Variants in ATRX observed in about 807,000 individuals in gnomAD.
ATRX encodes ATRX chromatin remodeler.
In ATRX, 12 loss-of-function variants were observed where a neutral mutation model predicts 172.6. The observed-to-expected ratio is 0.07, with a 90% CI of 0.04 to 0.11. ATRX has a LOEUF of 0.11. ATRX is among the 10% of genes least tolerant of loss of function. The probability of loss-of-function intolerance (pLI) is 1.00; values close to 1 mark genes in which losing one functional copy is unlikely to be tolerated. For synonymous variants in ATRX, 674 were observed against 594.7 expected, an observed-to-expected ratio of 1.13 and a Z score of -1.94; for missense variants, 1,368 against 1,767.4, an observed-to-expected ratio of 0.77 and a Z score of 4.05.
chrX:77,647,032 T>C (rs2068955323), intron 15 of ATRX, among the ~76,000 whole-genome samples: 1 of 108,733 alleles, frequency 9.2e-6, no homozygotes, highest in Non-Finnish European at 1.9e-5. Context: ...ACAGACCATA[T>C]AATCAGGCAC....
rs1262133608 is a variant in ATRX at position 77,682,037 on chromosome X, A to T, written c.3219T>A (p.Ser1073Arg). The change falls in exon 9 of 35, where the codon AGT becomes AGA. Residue 1073 changes from serine to arginine, a missense_variant. Ser to Arg is a moderately radical substitution (Grantham distance 110, BLOSUM62 -1). Coordinates refer to ENST00000373344, the MANE Select transcript of ATRX (RefSeq NM_000489.6). The part of the protein sequence containing the change: ...YAEKSTGKGD[S>R]CDSSEDKKSK... The stretch of plus-strand genomic sequence containing the variant: ...TCTTTTTATCCTCTGAAGAGTCACA[A>T]CTATCTCCTTTCCCTGTTGACTTCT... 8.3e-7 allele frequency: 1 copy of T among 1,208,915 alleles called. No individual in the cohort carries two copies. Among genetic ancestry groups the T allele is most frequent in the African/African-American group, 1.8e-5 (1 of 57,007 alleles).
intron 1 of ATRX, among the ~76,000 whole-genome samples, chrX:77,771,310 A>G (rs1490285081): frequency 9.4e-6 from 1 of 105,979 alleles, no homozygotes; most frequent in African/African-American, 3.5e-5. Context: ...CAGAAGGCGG[A>G]GGTTGCAGTG....
intron 9 of ATRX, among the ~76,000 whole-genome samples, chrX:77,679,964 T>C (rs2071095967): frequency 8.9e-6 from 1 of 111,830 alleles, no homozygotes; most frequent in Non-Finnish European, 1.9e-5. Context: ...CACAATCCCT[T>C]ATATATAATT....
intron 1 of ATRX, among the ~76,000 whole-genome samples, chrX:77,723,747 A>T (rs1457780166): frequency 1.8e-5 from 2 of 111,756 alleles, no homozygotes; most frequent in Non-Finnish European, 3.8e-5. Flanking sequence ...AAGAGGAATA[A>T]ATAATGTCAT....
intron 10 of ATRX, among the ~76,000 whole-genome samples, chrX:77,671,167 A>ATATATATATAT (rs1557129938): frequency 6.4e-5 from 1 of 15,733 alleles, no homozygotes; most frequent in African/African-American, 2.1e-4. Flanking sequence ...AAAAAAAAAA[A>ATATATATATAT]ATATATATAT....
rs1191855612 is a variant in ATRX at position 77,536,128 on chromosome X, T to A, written c.6700-12727A>T. Among the ~76,000 whole-genome samples the A allele has an allele frequency of 1.8e-5, 2 of 110,499 alleles. 1 individual carries two copies. The highest frequency in any genetic ancestry group is 3.8e-5 in the Non-Finnish European group (2 of 52,889). Reference sequence around the variant, plus strand: ...GTCATAGGTGTGATTATGTACTACATAGCCTCGAACCCCTGAGCTCAAACA... The same window carrying A: ...GTCATAGGTGTGATTATGTACTACAAAGCCTCGAACCCCTGAGCTCAAACA... On this transcript the variant is annotated intron_variant, in intron 30 of 34. Coordinates refer to ENST00000373344, the MANE Select transcript of ATRX (RefSeq NM_000489.6).
At position 77,750,352 on chromosome X, in the gene ATRX, C is replaced by T. The variant is rs781846734; in HGVS notation, c.21-33109G>A. On this transcript the variant is annotated intron_variant, in intron 1 of 34. Coordinates refer to ENST00000373344, the MANE Select transcript of ATRX (RefSeq NM_000489.6). ...GGTAGTATTAAATTTATTACACAAA[C>T]GATGAAATCATCATGCCCGGGGCAA... Among the ~76,000 whole-genome samples the T allele has an allele frequency of 4.9e-4, 55 of 111,132 alleles. 1 individual carries two copies. Among genetic ancestry groups the T allele is most frequent in the Admixed American group, 4.9e-3 (51 of 10,384 alleles).
intron 1 of ATRX, among the ~76,000 whole-genome samples, chrX:77,750,696 C>G (rs1314498452): frequency 1.9e-5 from 2 of 107,987 alleles, no homozygotes; most frequent in African/African-American, 3.4e-5. Context: ...CAACCCCTGA[C>G]AGGCCCCAAT....
rs187627344 is a variant in ATRX, at chrX:77,541,334, C to A, written c.6699+16117G>T. 1.5e-4 allele frequency among the ~76,000 whole-genome samples: 17 copies of A among 111,993 alleles called. No individual in the cohort carries two copies. In the East Asian group the frequency reaches 4.5e-3, roughly 30 times the overall value. The stretch of plus-strand genomic sequence containing the variant: ...AACTGAGGCAGTAATTAATAGCCCA[C>A]AAACAAAAGGAAGTCCAGGACCAGA... On this transcript the variant is annotated intron_variant, in intron 30 of 34. Transcript: ENST00000373344.
chrX:77,658,657 A>G (rs1174779243), intron 12 of ATRX, among the ~76,000 whole-genome samples: 2 of 112,294 alleles, frequency 1.8e-5, no homozygotes, highest in East Asian at 2.8e-4. Flanking sequence ...GCCATTGTAC[A>G]TATGTGAAAA....
chrX:77,677,592 T>C (rs2070951407), intron 9 of ATRX, among the ~76,000 whole-genome samples: 1 of 111,185 alleles, frequency 9.0e-6, no homozygotes, highest in Non-Finnish European at 1.9e-5. Context: ...TTTTCTGGTT[T>C]TGACACTGTA....
intron 12 of ATRX, among the ~76,000 whole-genome samples, chrX:77,660,063 C>A (rs1217104568): frequency 2.7e-5 from 3 of 111,686 alleles, no homozygotes; most frequent in Non-Finnish European, 5.6e-5. Context: ...AAACACAGAT[C>A]ACAGAAAACT....
intron 1 of ATRX, among the ~76,000 whole-genome samples, chrX:77,735,664 T>C (rs2074521690): frequency 1.1e-5 from 1 of 92,242 alleles, no homozygotes; most frequent in South Asian, 5.6e-4. Context: ...CAGACGGGCA[T>C]GGTGGTGGGC....
At position 77,539,959 on chromosome X, in the gene ATRX, C is replaced by T. The variant is rs1271349122; in HGVS notation, c.6700-16558G>A. Among the ~76,000 whole-genome samples the T allele has an allele frequency of 3.6e-5, 4 of 111,688 alleles. No individual in the cohort carries two copies. In the Admixed American group the frequency reaches 3.8e-4, roughly 11 times the overall value. ...TCATAATGACAGGATCAAATTCAAA[C>T]ATAACAATATTAACCTTAAATGTAA... On this transcript the variant is annotated intron_variant, in intron 30 of 34. Transcript: ENST00000373344.
At chrX:77,564,660 C>G (rs1557063652) in intron 28 of ATRX, among the ~76,000 whole-genome samples, 1 of 110,633 alleles carries the variant, frequency 9.0e-6, no homozygotes, top group East Asian at 2.8e-4. Flanking sequence ...GCTGGGATTA[C>G]AGGTGTGAGC....
At chrX:77,606,135 A>G (rs1195228665) in intron 22 of ATRX, among the ~76,000 whole-genome samples, 1 of 110,068 alleles carries the variant, frequency 9.1e-6, no homozygotes, top group Non-Finnish European at 1.9e-5. Flanking sequence ...AAACCTAGAG[A>G]CCCCAATTTA....
At chrX:77,596,901 G>C (rs2066485898) in intron 25 of ATRX, 1 of 110,489 alleles carries the variant, frequency 9.1e-6, no homozygotes, top group African/African-American at 3.3e-5. Context: ...CACACTGACT[G>C]GTCTACTCTT....
chrX:77,697,863 T>A (rs1557150913), intron 3 of ATRX, among the ~76,000 whole-genome samples: 1 of 112,005 alleles, frequency 8.9e-6, no homozygotes. Flanking sequence ...CCAGGTTTCC[T>A]TGGCTGAAGA....
At chrX:77,763,473 TAAAAAAAAAA>T (rs782021851) in intron 1 of ATRX, among the ~76,000 whole-genome samples, 1 of 84,097 alleles carries the variant, frequency 1.2e-5, no homozygotes, top group African/African-American at 4.6e-5. Flanking sequence ...TTCTTTTTTT[TAAAAAAAAAA>T]AAAAAAAAAA....
Sources: allele counts gnomAD v4.1 joint callset (sites outside exome capture counted in the v4.1 genomes callset), GRCh38; gene constraint gnomAD v4.1.1; transcripts MANE v1.5; gene names NCBI Gene and HGNC (gene_info 2026-07-23, HGNC 2026-07-21).